The following CTIF variants were observed in gnomAD, a reference collection of about 807,000 sequenced individuals.
CTIF encodes CBP80/20-dependent translation initiation factor.
Under a neutral mutation model 66.0 loss-of-function variants are expected in CTIF, and 21 were observed. That is an observed-to-expected ratio of 0.32 (90% CI 0.23 to 0.46). The LOEUF (loss-of-function observed/expected upper bound fraction) is 0.46. CTIF is among the 20% of genes least tolerant of loss of function. The probability of loss-of-function intolerance (pLI) is 1.00; values close to 1 mark genes in which losing one functional copy is unlikely to be tolerated. For missense variants in CTIF, 739 were observed against 812.7 expected, an observed-to-expected ratio of 0.91 and a Z score of 1.10; for synonymous variants, 345 against 326.4, an observed-to-expected ratio of 1.06 and a Z score of -0.62.
At chr18:48,674,971 A>G (rs1413813492) in intron 6 of CTIF, among the ~76,000 whole-genome samples, 2 of 151,618 alleles carry the variant, frequency 1.3e-5, no homozygotes, top group Admixed American at 1.3e-4. Flanking sequence ...CCGAGGCATG[A>G]CATGCCATAC....
At chr18:48,847,558 G>A (rs998767185) in intron 10 of CTIF, among the ~76,000 whole-genome samples, 3 of 152,192 alleles carry the variant, frequency 2.0e-5, no homozygotes, top group South Asian at 2.1e-4. Flanking sequence ...GTGTCATGAG[G>A]GTAAAAGGAA....
chr18:48,784,990 A>T (rs921658271), intron 9 of CTIF, among the ~76,000 whole-genome samples: 1 of 152,258 alleles, frequency 6.6e-6, no homozygotes, highest in Non-Finnish European at 1.5e-5. Context: ...CCCAGCCCTC[A>T]GCCTTGCTGC....
At chr18:48,647,298 G>A (rs1344891382) in intron 3 of CTIF, among the ~76,000 whole-genome samples, 2 of 152,212 alleles carry the variant, frequency 1.3e-5, no homozygotes, top group African/African-American at 2.4e-5. Context: ...ATGAGGGAAG[G>A]GGTAGGGGCA....
At chr18:48,594,412 C>G (rs1251139633) in intron 1 of CTIF, among the ~76,000 whole-genome samples, 1 of 143,256 alleles carries the variant, frequency 7.0e-6, no homozygotes, top group Non-Finnish European at 1.5e-5. Context: ...AAGCATGGAT[C>G]TGTGCTCCTG....
At chr18:48,713,290 G>A (rs924920320) in intron 7 of CTIF, among the ~76,000 whole-genome samples, 5 of 152,106 alleles carry the variant, frequency 3.3e-5, no homozygotes, top group African/African-American at 1.2e-4. Flanking sequence ...GAGGTGTGGA[G>A]AGTCCCCGAG....
At chr18:48,709,746 T>G (rs942367630) in intron 6 of CTIF, among the ~76,000 whole-genome samples, 1 of 152,220 alleles carries the variant, frequency 6.6e-6, no homozygotes, top group Non-Finnish European at 1.5e-5. Flanking sequence ...TTTCCTTATT[T>G]GTGTTTTGTA....
At chr18:48,848,260 C>A (rs1045793631) in intron 10 of CTIF, among the ~76,000 whole-genome samples, 2 of 152,206 alleles carry the variant, frequency 1.3e-5, no homozygotes, top group Admixed American at 1.3e-4. Context: ...CTTGTCCCCC[C>A]ACAGCCCTGG....
At chr18:48,681,682 G>A (rs1473115075) in intron 6 of CTIF, among the ~76,000 whole-genome samples, 1 of 152,162 alleles carries the variant, frequency 6.6e-6, no homozygotes, top group Non-Finnish European at 1.5e-5. Flanking sequence ...TCAGCTTGGT[G>A]ACTGATTGCC....
intron 2 of CTIF, among the ~76,000 whole-genome samples, chr18:48,636,354 C>T (rs1443638648): frequency 6.6e-6 from 1 of 152,212 alleles, no homozygotes; most frequent in African/African-American, 2.4e-5. Flanking sequence ...GGGATATAGC[C>T]AGTCTTTGTC....
chr18:48,776,643 C>A (rs1910708853), intron 9 of CTIF, among the ~76,000 whole-genome samples: 1 of 152,254 alleles, frequency 6.6e-6, no homozygotes, highest in South Asian at 2.1e-4. Flanking sequence ...CAGCCAGGCA[C>A]CAGGCCCTCT....
intron 2 of CTIF, among the ~76,000 whole-genome samples, chr18:48,627,801 G>A (rs2144529775): frequency 6.9e-6 from 1 of 145,966 alleles, no homozygotes; most frequent in South Asian, 2.3e-4. Context: ...GGAAGGGAGG[G>A]AGGGAGGGAG....
chr18:48,596,363 A>T (rs2089986899), intron 1 of CTIF, among the ~76,000 whole-genome samples: 1 of 152,182 alleles, frequency 6.6e-6, no homozygotes, highest in African/African-American at 2.4e-5. Context: ...GGCCCAAGAG[A>T]GTTGCTGGAA....
At chr18:48,781,732 G>A (rs1251007119) in intron 9 of CTIF, among the ~76,000 whole-genome samples, 2 of 152,082 alleles carry the variant, frequency 1.3e-5, no homozygotes, top group Non-Finnish European at 2.9e-5. Context: ...AAAGGGAGGG[G>A]GCATGGGGGC....
At chr18:48,711,107 T>G (rs77195396) in intron 6 of CTIF, among the ~76,000 whole-genome samples, 14,686 of 152,192 alleles carry the variant, frequency 0.096, 921 homozygotes, top group Non-Finnish European at 0.13. Flanking sequence ...TGGACTAGGT[T>G]TAGGAGACAA....
intron 1 of CTIF, among the ~76,000 whole-genome samples, chr18:48,591,029 GCT>G (rs2089876070): frequency 6.6e-6 from 1 of 152,208 alleles, no homozygotes; most frequent in African/African-American, 2.4e-5. Flanking sequence ...CCTGGGACCT[GCT>G]CTCTCAGGAA....
chr18:48,859,269 T>C, intron 11 of CTIF, 75 bp from the exon 12 acceptor site: 1 of 1,282,694 alleles, frequency 7.8e-7, no homozygotes, highest in East Asian at 2.3e-5. Context: ...TTCCTATCCC[T>C]GCCCACCTAA....
Position 48,619,594 on chromosome 18 carries a change from C to G in CTIF, c.29C>G (p.Ser10Cys). 6.3e-7 allele frequency: 1 copy of G among 1,593,628 alleles called. No homozygotes were observed. Among genetic ancestry groups the G allele is most frequent in the African/African-American group, 1.3e-5 (1 of 74,480 alleles). ...GAAAACTCCTCTGCAGCATCAGCCT[C>G]CTCGGAGGCAGGGAGCAGCCGCTCC... MENSSAASA[S>C]SEAGSSRSQE... is the part of the protein sequence containing the mutation. Residue 10 changes from serine (S) to cysteine (C), a missense_variant, in exon 2 of 12, where the codon TCC becomes TGC. Ser to Cys is a moderately radical substitution (Grantham distance 112, BLOSUM62 -1). Around this residue, in one of 2 missense-constraint regions of CTIF, gnomAD observed 529 missense variants for 520.3 expected, o/e 1.02. Transcript: ENST00000256413.
rs557977377 is a variant in CTIF at position 48,616,131 on chromosome 18, G to A, written c.-28-3407G>A. Among the ~76,000 whole-genome samples the A allele has an allele frequency of 7.2e-5, 11 of 152,326 alleles. No individual in the cohort carries two copies. The East Asian group carries it at 1.2e-3, about 16-fold the overall frequency. ...ACTCAATCCTCCTGGAAACGGCTCC[G>A]TGTAGAGTTCCTGCAAAACCCGGTT... On this transcript the variant is annotated intron_variant, in intron 1 of 11. Transcript: ENST00000256413.
rs111956805 is a variant in CTIF, at chr18:48,845,796, C to T, written c.1528-11792C>T. On this transcript the variant is annotated intron_variant, in intron 10 of 11. Coordinates refer to ENST00000256413, the MANE Select transcript of CTIF (RefSeq NM_014772.3). ...ATATTGTTGATGGCATCATCACTTA[C>T]GCAGTTGACCAAACCCCAAACCTGG... Among the ~76,000 whole-genome samples, 391 of 152,304 alleles carry T rather than the reference C, an allele frequency of 2.6e-3. 3 individuals are homozygous for T. The highest frequency in any genetic ancestry group is 8.3e-3 in the African/African-American group (344 of 41,570).
Sources: gnomAD v4.1 joint callset for allele counts (sites outside exome capture counted in the v4.1 genomes callset) on GRCh38, gnomAD v4.1.1 for gene constraint, gnomAD v4.1.1 regional missense constraint, MANE v1.5 for transcripts, NCBI Gene and HGNC (gene_info 2026-07-23, HGNC 2026-07-21) for gene names.